HROB: variants seen among roughly 807,000 people sequenced by gnomAD.
HROB encodes the protein homologous recombination OB-fold protein.
A neutral mutation model predicts 61.0 loss-of-function variants in HROB; 44 were observed. The ratio of observed to expected loss-of-function variants is 0.72; its 90% confidence interval spans 0.57 to 0.93. The LOEUF (loss-of-function observed/expected upper bound fraction) is 0.93, where lower values mean the gene tolerates loss of function less well. Among genes scored for constraint, HROB ranks in the 40% least tolerant of loss-of-function variants. HROB has a pLI of 0.00. For synonymous variants in HROB, 301 were observed against 310.4 expected (o/e 0.97, Z 0.32); for missense variants, 716 against 796.2 (o/e 0.90, Z 1.21).
chr17:44,152,514 TG>T, intron 4 of HROB, 122 bp from the exon 5 acceptor site: 1 of 1,069,034 alleles, frequency 9.4e-7, no homozygotes, highest in South Asian at 1.8e-5. Context: ...CTGTGGCCAT[TG>T]TACTACAGTT....
rs762791043 is a variant in HROB at position 44,148,437 on chromosome 17, G to A, written c.634G>A (p.Gly212Arg). The A allele has an allele frequency of 1.3e-5, 21 of 1,613,958 alleles. No homozygotes were observed. In the Admixed American group the frequency reaches 1.5e-4, roughly 12 times the overall value. The change falls in exon 3 of 10, where the codon GGG becomes AGG. Residue 212 changes from glycine (G) to arginine (R), a missense_variant. By Grantham distance (125) the Gly-to-Arg change is moderately radical. Coordinates refer to ENST00000585683, the MANE Select transcript of HROB (RefSeq NM_001171251.3). ...VVDLSGSCQK[G>R]PVPAIHKAGI... ...TGATCTGAGTGGATCTTGCCAGAAG[G>A]GGCCTGTGCCTGCCATCCACAAAGC...
At chr17:44,152,585 G>A (rs2053847180) in intron 4 of HROB, 52 bp from the exon 5 acceptor site, 1 of 1,586,574 alleles carries the variant, frequency 6.3e-7, no homozygotes, top group East Asian at 2.2e-5. Flanking sequence ...TCAAGAGTCT[G>A]TAGCAAGGTA....
At chr17:44,160,095 G>A (rs2054091742) in intron 9 of HROB, among the ~76,000 whole-genome samples, 5 of 152,238 alleles carry the variant, frequency 3.3e-5, no homozygotes, top group South Asian at 2.1e-4. Flanking sequence ...AGGCACTGGC[G>A]CTACTGCTAG....
intron 4 of HROB, 36 bp downstream of exon 4, chr17:44,151,080 T>C: frequency 1.3e-6 from 2 of 1,562,516 alleles, no homozygotes; most frequent in South Asian, 2.2e-5. Context: ...TGGGTGTGAT[T>C]TGAGAGTGAG....
At chr17:44,147,067 G>A (rs1365135604) in intron 2 of HROB, among the ~76,000 whole-genome samples, 9 of 151,380 alleles carry the variant, frequency 5.9e-5, no homozygotes, top group Non-Finnish European at 1.2e-4. Context: ...GAGAGAGAAA[G>A]AGAGCACACG....
intron 4 of HROB, among the ~76,000 whole-genome samples, 167 bp from the exon 5 acceptor site, chr17:44,152,470 A>T (rs1355994890): frequency 2.0e-5 from 3 of 152,066 alleles, no homozygotes; most frequent in African/African-American, 7.2e-5. Context: ...GTCACATACC[A>T]TTTTCTGGCC....
chr17:44,142,687 A>G (rs1053236171), intron 1 of HROB, among the ~76,000 whole-genome samples: 7 of 151,956 alleles, frequency 4.6e-5, no homozygotes, highest in African/African-American at 1.7e-4. Context: ...GGAACTGGCT[A>G]CAGCAGCCCT....
At chr17:44,151,787 A>C (rs2053812945) in intron 4 of HROB, among the ~76,000 whole-genome samples, 1 of 152,198 alleles carries the variant, frequency 6.6e-6, no homozygotes, top group African/African-American at 2.4e-5. Context: ...CAATGCAGTT[A>C]AAGTCAGGAG....
chr17:44,160,051 A>G (rs1211606551), intron 9 of HROB, among the ~76,000 whole-genome samples: 2 of 152,206 alleles, frequency 1.3e-5, no homozygotes, highest in African/African-American at 4.8e-5. Flanking sequence ...CGCTACCGCA[A>G]GACTGAGGTC....
intron 3 of HROB, among the ~76,000 whole-genome samples, chr17:44,150,412 C>G: frequency 6.8e-6 from 1 of 146,554 alleles, no homozygotes; most frequent in South Asian, 2.1e-4. Context: ...TTTTTTAAGA[C>G]AGAGTCTTGC....
At chr17:44,158,927 G>A (rs1252246694) in intron 9 of HROB, among the ~76,000 whole-genome samples, 4 of 152,102 alleles carry the variant, frequency 2.6e-5, no homozygotes, top group African/African-American at 7.2e-5. Context: ...GATTACAGGC[G>A]TGAGCCACCG....
At chr17:44,158,115 G>A (rs1052050513) in intron 9 of HROB, among the ~76,000 whole-genome samples, 174 bp downstream of exon 9, 1 of 152,196 alleles carries the variant, frequency 6.6e-6, no homozygotes, top group African/African-American at 2.4e-5. Flanking sequence ...CCACAAACTC[G>A]TTAACAGTGT....
At chr17:44,152,595 A>G in intron 4 of HROB, 42 bp from the exon 5 acceptor site, 2 of 1,603,266 alleles carry the variant, frequency 1.2e-6, no homozygotes, top group African/African-American at 2.7e-5. Flanking sequence ...GTAGCAAGGT[A>G]GACCTATTCA....
intron 1 of HROB, among the ~76,000 whole-genome samples, chr17:44,143,031 G>A (rs1301362667): frequency 6.6e-6 from 1 of 152,140 alleles, no homozygotes; most frequent in African/African-American, 2.4e-5. Context: ...CCACTTCCCA[G>A]GTTCAAGCAA....
chr17:44,150,857 C>A, intron 3 of HROB, 104 bp from the exon 4 acceptor site: 1 of 934,936 alleles, frequency 1.1e-6, no homozygotes, highest in Non-Finnish European at 1.7e-6. Context: ...TGTTAATAGT[C>A]CCTGATCATT....
intron 1 of HROB, 65 bp from the exon 2 acceptor site, chr17:44,145,138 G>T: frequency 6.4e-7 from 1 of 1,554,008 alleles, no homozygotes; most frequent in South Asian, 1.1e-5. Context: ...GGAAGAAGCA[G>T]AGTGAGGACA....
intron 4 of HROB, among the ~76,000 whole-genome samples, chr17:44,151,942 G>A (rs1365554044): frequency 3.3e-5 from 5 of 152,098 alleles, no homozygotes; most frequent in African/African-American, 1.2e-4. Flanking sequence ...CGCCTCCTGG[G>A]TTCAGGCTAT....
At chr17:44,146,655 A>G (rs12601855) in intron 2 of HROB, among the ~76,000 whole-genome samples, 5,761 of 152,240 alleles carry the variant, frequency 0.038, 138 homozygotes, top group East Asian at 0.068. Context: ...ATCAACCTCC[A>G]GAGTCATCAG....
At chr17:44,153,602 G>A (rs928372422) in intron 5 of HROB, among the ~76,000 whole-genome samples, 4 of 152,126 alleles carry the variant, frequency 2.6e-5, no homozygotes, top group East Asian at 1.9e-4. Context: ...AAAATTAGCC[G>A]GACGTGTTGG....
Sources: allele counts gnomAD v4.1 joint callset (sites outside exome capture counted in the v4.1 genomes callset), GRCh38; gene constraint gnomAD v4.1.1; transcripts MANE v1.5; gene names NCBI Gene and HGNC (gene_info 2026-07-23, HGNC 2026-07-21).